Variants in ESR1 observed in about 807,000 individuals in gnomAD.
ESR1 encodes estrogen receptor.
ESR1 carries 12 observed loss-of-function variants against 52.7 expected under a neutral mutation model. That is an observed-to-expected ratio of 0.23 (90% confidence interval 0.15 to 0.37). The LOEUF (loss-of-function observed/expected upper bound fraction) is 0.37, where lower values mean the gene tolerates loss of function less well. ESR1 is among the 10% of genes least tolerant of loss of function. The probability of loss-of-function intolerance (pLI) is 1.00; values close to 1 mark genes in which losing one functional copy is unlikely to be tolerated. For synonymous variants in ESR1, 305 were observed against 316.8 expected, an observed-to-expected ratio of 0.96 and a Z score of 0.39; for missense variants, 584 against 779.7, an observed-to-expected ratio of 0.75 and a Z score of 2.99.
At chr6:151,815,689 T>C (rs1343227059) in intron 1 of ESR1, among the ~76,000 whole-genome samples, 1 of 152,240 alleles carries the variant, frequency 6.6e-6, no homozygotes, top group African/African-American at 2.4e-5. Context: ...ATTTGCAAAT[T>C]CGCTGACTTA....
chr6:151,970,550 G>T (rs1241615419), intron 4 of ESR1, among the ~76,000 whole-genome samples: 1 of 152,146 alleles, frequency 6.6e-6, no homozygotes, highest in Non-Finnish European at 1.5e-5. Flanking sequence ...CTAAAGAAAT[G>T]CTATGGCACA....
chr6:151,699,301 T>C (rs569651826), intron 1 of ESR1, among the ~76,000 whole-genome samples: 2 of 152,316 alleles, frequency 1.3e-5, no homozygotes, highest in Admixed American at 6.5e-5. Flanking sequence ...TTTAAGACTT[T>C]ACTTTGTTGA....
At chr6:151,782,201 T>A (rs1371070078) in intron 2 of ESR1, among the ~76,000 whole-genome samples, 1 of 152,172 alleles carries the variant, frequency 6.6e-6, no homozygotes, top group African/African-American at 2.4e-5. Context: ...CATCCTTGTT[T>A]GGGATATGAA....
intron 3 of ESR1, among the ~76,000 whole-genome samples, chr6:151,919,033 G>A (rs1391312775): frequency 6.6e-6 from 1 of 152,142 alleles, no homozygotes; most frequent in Non-Finnish European, 1.5e-5. Context: ...TAGTAGCCAA[G>A]ATATTTTAAA....
At chr6:152,066,332 G>C (rs1470591052) in intron 6 of ESR1, among the ~76,000 whole-genome samples, 1 of 152,184 alleles carries the variant, frequency 6.6e-6, no homozygotes, top group East Asian at 1.9e-4. Context: ...ATGTTTTTAT[G>C]TTTAGAAATA....
chr6:151,682,414 G>A (rs754798850), intron 1 of ESR1, among the ~76,000 whole-genome samples: 3 of 152,098 alleles, frequency 2.0e-5, no homozygotes, highest in Non-Finnish European at 2.9e-5. Context: ...CTGAGCTGCC[G>A]GGAGCTGGTT....
intron 5 of ESR1, among the ~76,000 whole-genome samples, chr6:152,016,408 A>T (rs1036041965): frequency 2.0e-5 from 3 of 152,120 alleles, no homozygotes; most frequent in East Asian, 1.9e-4. Flanking sequence ...ATAATTTTTT[A>T]AATTATCTAC....
intron 2 of ESR1, among the ~76,000 whole-genome samples, chr6:151,731,381 G>C: frequency 6.6e-6 from 1 of 151,874 alleles, no homozygotes; most frequent in South Asian, 2.1e-4. Flanking sequence ...AAGAAATGTG[G>C]GGGCAGATAA....
At chr6:151,932,928 G>T (rs2128490413) in intron 3 of ESR1, among the ~76,000 whole-genome samples, 1 of 150,354 alleles carries the variant, frequency 6.7e-6, no homozygotes, top group Admixed American at 6.6e-5. Flanking sequence ...GATTGACTTG[G>T]CGATGTGGGC....
At chr6:151,998,416 A>G (rs1458267347) in intron 4 of ESR1, among the ~76,000 whole-genome samples, 1 of 151,930 alleles carries the variant, frequency 6.6e-6, no homozygotes, top group Non-Finnish European at 1.5e-5. Flanking sequence ...TTCACTCAGA[A>G]TCCTTTTTGA....
chr6:151,746,791 T>C (rs1436217226), intron 2 of ESR1, among the ~76,000 whole-genome samples: 1 of 152,216 alleles, frequency 6.6e-6, no homozygotes, highest in African/African-American at 2.4e-5. Context: ...AGAGCAGGGA[T>C]TCTGGAGTCA....
intron 2 of ESR1, among the ~76,000 whole-genome samples, chr6:151,871,210 T>C (rs907087490): frequency 3.3e-5 from 5 of 151,924 alleles, no homozygotes; most frequent in South Asian, 4.1e-4. Flanking sequence ...AAACCACTTG[T>C]ACCCCAAAAG....
At chr6:151,897,780 C>T (rs1339905857) in intron 3 of ESR1, among the ~76,000 whole-genome samples, 2 of 152,112 alleles carry the variant, frequency 1.3e-5, no homozygotes, top group South Asian at 4.1e-4. Context: ...TTTTATACCT[C>T]CAATGAGATT....
At chr6:151,813,255 G>T (rs1366064803) in intron 1 of ESR1, 2 of 152,086 alleles carry the variant, frequency 1.3e-5, no homozygotes, top group Non-Finnish European at 2.9e-5. Context: ...CAACTATTCT[G>T]GTCTCAACTG....
At chr6:152,104,780 TA>T (rs1403855716), downstream of ESR1, among the ~76,000 whole-genome samples, 1 of 152,186 alleles carries the variant, frequency 6.6e-6, no homozygotes, top group Non-Finnish European at 1.5e-5. Context: ...TCTTTTGTTC[TA>T]ATGAGGCAGC....
intron 6 of ESR1, among the ~76,000 whole-genome samples, chr6:152,071,624 G>C (rs1286855844): frequency 6.6e-6 from 1 of 152,124 alleles, no homozygotes; most frequent in Non-Finnish European, 1.5e-5. Context: ...TTCTCCATCC[G>C]TACTGTGTAT....
At chr6:152,069,381 A>C (rs1398266277) in intron 6 of ESR1, among the ~76,000 whole-genome samples, 1 of 136,696 alleles carries the variant, frequency 7.3e-6, no homozygotes, top group Non-Finnish European at 1.5e-5. Context: ...CAGGATCTGA[A>C]AAATATCTCA....
Position 152,044,808 on chromosome 6 carries a change from G to C in ESR1, c.1236-16183G>C, listed in dbSNP as rs143479524. ...TGGTGCCCACCCAGATTGAGGATGG[G>C]TCTCTATCTTCCAGTCCACTGACTC... is the stretch of plus-strand genomic sequence containing the variant. On this transcript the variant is annotated intron_variant, in intron 5 of 7. Transcript: ENST00000206249. Among the ~76,000 whole-genome samples, 6 of 152,260 alleles carry C rather than the reference G, an allele frequency of 3.9e-5. No homozygotes were observed. In the East Asian group the frequency reaches 1.2e-3, roughly 30 times the overall value.
chr6:151,851,548 G>A (rs1355656990), intron 2 of ESR1, among the ~76,000 whole-genome samples: 3 of 128,356 alleles, frequency 2.3e-5, no homozygotes, highest in Non-Finnish European at 4.9e-5. Flanking sequence ...TTTTTTTTGA[G>A]ACAGAGTCTC....
Sources: allele counts gnomAD v4.1 joint callset (sites outside exome capture counted in the v4.1 genomes callset), GRCh38; gene constraint gnomAD v4.1.1; transcripts MANE v1.5; gene names NCBI Gene and HGNC (gene_info 2026-07-23, HGNC 2026-07-21).